The following ZBTB46 variants were observed in gnomAD, a reference collection of about 807,000 sequenced individuals.
ZBTB46 encodes the protein zinc finger and BTB domain-containing protein 46.
ZBTB46 carries 8 observed loss-of-function variants against 44.1 expected under a neutral mutation model. The observed-to-expected ratio is 0.18, with a 90% CI of 0.11 to 0.33. ZBTB46 has a LOEUF of 0.33. ZBTB46 is among the 10% of genes least tolerant of loss of function. The pLI, the probability that ZBTB46 is intolerant of heterozygous loss-of-function variation, is 1.00. For missense variants in ZBTB46, 651 were observed against 847.7 expected (o/e 0.77, Z 2.88); for synonymous variants, 409 against 382.3 (o/e 1.07, Z -0.81).
chr20:63,822,327 A>G (rs1449979534), intron 1 of ZBTB46, among the ~76,000 whole-genome samples: 2 of 152,148 alleles, frequency 1.3e-5, no homozygotes, highest in African/African-American at 4.8e-5. Flanking sequence ...CAGCACACCC[A>G]TGGGGGAGAC....
At chr20:63,812,603 C>T (rs1157968694) in intron 1 of ZBTB46, among the ~76,000 whole-genome samples, 2 of 152,046 alleles carry the variant, frequency 1.3e-5, no homozygotes, top group African/African-American at 2.4e-5. Flanking sequence ...GTGGAAACCC[C>T]GTCCCTAGTA....
chr20:63,745,520 C>T lies in ZBTB46; in HGVS notation c.*1410G>A, dbSNP rs1242300207. 2.0e-5 allele frequency: 3 copies of T among 152,380 alleles called. No homozygotes were observed. In the Middle Eastern group the frequency reaches 0.01, roughly 518 times the overall value. 9.4% of individuals were successfully genotyped at this position (152,380 alleles called of 1,614,324 possible). A position where few individuals can be genotyped will look rare whatever the true frequency, so the allele number is the denominator to read the frequency against. ...TAGAAAAAGAGAGTAAAAACTCTTTCCACGCAGCCCTGAAGCTCAGCACTC... is the reference window on the plus strand; with the variant it reads ...TAGAAAAAGAGAGTAAAAACTCTTTTCACGCAGCCCTGAAGCTCAGCACTC... On this transcript the variant is annotated 3_prime_UTR_variant, in exon 5 of 5. Coordinates refer to ENST00000245663, the MANE Select transcript of ZBTB46 (RefSeq NM_001369741.1).
intron 1 of ZBTB46, among the ~76,000 whole-genome samples, chr20:63,804,336 T>G (rs527681170): frequency 6.6e-6 from 1 of 152,160 alleles, no homozygotes; most frequent in Non-Finnish European, 1.5e-5. Context: ...GCTCCTAGTC[T>G]GTCATTTGGG....
intron 1 of ZBTB46, among the ~76,000 whole-genome samples, chr20:63,828,478 A>T (rs1401588812): frequency 1.3e-5 from 2 of 152,166 alleles, no homozygotes; most frequent in Non-Finnish European, 2.9e-5. Context: ...CCCCCAGGGG[A>T]GGGGACAGAT....
rs913158044 is a variant in ZBTB46, at chr20:63,809,782, T to C, written c.-33-18992A>G. Among the ~76,000 whole-genome samples the C allele has an allele frequency of 2.6e-5, 4 of 152,054 alleles. No homozygotes were observed. The East Asian group carries it at 5.8e-4, about 22-fold the overall frequency. On this transcript the variant is annotated intron_variant, in intron 1 of 4. Transcript: ENST00000245663. Reference sequence around the variant, plus strand: ...TTCAAGACCAGCCTGGGCAACATGGTGAGACCCCATCTCTACAAAAAATAG... The same window carrying C: ...TTCAAGACCAGCCTGGGCAACATGGCGAGACCCCATCTCTACAAAAAATAG...
At chr20:63,789,659 G>A (rs6062317) in intron 2 of ZBTB46, among the ~76,000 whole-genome samples, 162 bp downstream of exon 2, 36,718 of 152,184 alleles carry the variant, frequency 0.24, 4,508 homozygotes, top group Middle Eastern at 0.36. Context: ...GAGATGCATT[G>A]GCTGCATTCC....
intron 1 of ZBTB46, among the ~76,000 whole-genome samples, chr20:63,823,858 T>TTCTGTGTG (rs144086739): frequency 4.1e-5 from 6 of 144,816 alleles, no homozygotes; most frequent in African/African-American, 1.6e-4. Context: ...TCTAGGAACC[T>TTCTGTGTG]TGTGTGTGTG....
rs76352165 is a variant in ZBTB46 at position 63,749,907 on chromosome 20, G to A, written c.1399-2606C>T. 7.7e-3 allele frequency among the ~76,000 whole-genome samples: 1,176 copies of A among 152,354 alleles called. 14 individuals are homozygous for A. The highest frequency in any genetic ancestry group is 0.027 in the African/African-American group (1,135 of 41,582). ...ACTCATGCAAATGGGCAAATGCCCTGGAAGGAAGCAAGAAGGAAGACGGGA... is the reference window on the plus strand; with the variant it reads ...ACTCATGCAAATGGGCAAATGCCCTAGAAGGAAGCAAGAAGGAAGACGGGA... On this transcript the variant is annotated intron_variant, in intron 4 of 4. Transcript: ENST00000245663.
intron 1 of ZBTB46, among the ~76,000 whole-genome samples, chr20:63,816,903 G>A (rs1443461171): frequency 6.6e-6 from 1 of 152,032 alleles, no homozygotes; most frequent in Admixed American, 6.6e-5. Flanking sequence ...TCAGGAGTTC[G>A]AGACCAGCCT....
chr20:63,817,781 T>G (rs886993020), intron 1 of ZBTB46, among the ~76,000 whole-genome samples: 10 of 150,760 alleles, frequency 6.6e-5, no homozygotes, highest in African/African-American at 2.4e-4. Flanking sequence ...CAGGGGAGAC[T>G]GTGTGAAGAC....
At chr20:63,755,978 T>C (rs1398768437) in intron 3 of ZBTB46, among the ~76,000 whole-genome samples, 2 of 152,240 alleles carry the variant, frequency 1.3e-5, no homozygotes, top group Non-Finnish European at 2.9e-5. Context: ...CTATCAGAGC[T>C]GGCGTGGACC....
rs2092522146 is a variant in ZBTB46, at chr20:63,787,063, C to T, written c.937+2758G>A. 6.6e-6 allele frequency among the ~76,000 whole-genome samples: 1 copy of T among 152,154 alleles called. No individual in the cohort carries two copies. The highest frequency in any genetic ancestry group is 6.6e-5 in the Admixed American group (1 of 15,256). ...TTGTGTCAAAGTAGAACAGCATTTACCCGCAGGTGGGGTAGAGGCAAGAGG... is the reference window on the plus strand; with the variant it reads ...TTGTGTCAAAGTAGAACAGCATTTATCCGCAGGTGGGGTAGAGGCAAGAGG... On this transcript the variant is annotated intron_variant, in intron 2 of 4. Coordinates refer to ENST00000245663, the MANE Select transcript of ZBTB46 (RefSeq NM_001369741.1). The surrounding 1 kb of genome is among the most constrained non-coding windows in gnomAD (Gnocchi z 4.6).
intron 2 of ZBTB46, among the ~76,000 whole-genome samples, chr20:63,777,101 G>GCACACGCCACGGTTCCAC (rs1333029593): frequency 2.2e-5 from 1 of 44,936 alleles, no homozygotes; most frequent in African/African-American, 7.3e-5. Context: ...CACGGTTCCA[G>GCACACGCCACGGTTCCAC]CACACGCCAC....
chr20:63,750,130 G>A (rs757943959), intron 4 of ZBTB46, among the ~76,000 whole-genome samples: 2 of 152,236 alleles, frequency 1.3e-5, no homozygotes, highest in Non-Finnish European at 2.9e-5. Context: ...GTGGAGGCTG[G>A]ACCGGCTAGA....
rs148815384 is a variant in ZBTB46, at chr20:63,829,148, C to T, written c.-34+1949G>A. 2.6e-5 allele frequency among the ~76,000 whole-genome samples: 4 copies of T among 152,182 alleles called. No homozygotes were observed. In the East Asian group the frequency reaches 7.7e-4, roughly 29 times the overall value. On this transcript the variant is annotated intron_variant, in intron 1 of 4. Coordinates refer to ENST00000245663, the MANE Select transcript of ZBTB46 (RefSeq NM_001369741.1). ...TCCTGACCTCTGTGACCACCAGGGG[C>T]TGGGGAGGGACGGAGGACGCAGGGC... is the stretch of plus-strand genomic sequence containing the variant.
rs146845071 is a variant in ZBTB46, at chr20:63,800,658, G to A, written c.-33-9868C>T. The stretch of plus-strand genomic sequence containing the variant: ...GGCTTGGCGGCCCCACACTCGGAGC[G>A]GCCCAGGGCAATGAGGGGCTTAGCA... On this transcript the variant is annotated intron_variant, in intron 1 of 4. Transcript: ENST00000245663. Among the ~76,000 whole-genome samples the A allele has an allele frequency of 4.7e-4, 71 of 152,346 alleles. No individual in the cohort carries two copies. In the East Asian group the frequency reaches 0.01, roughly 22 times the overall value.
rs1303981050 is a variant in ZBTB46 at position 63,767,972 on chromosome 20, G to C, written c.1222+7706C>G. On this transcript the variant is annotated intron_variant, in intron 3 of 4. Transcript: ENST00000245663. This position sits in a 1 kb window ranked among gnomAD's most constrained non-coding sequence, Gnocchi z 5.0. ...CTCCGCCCAGCTCTCCACGCCATGA[G>C]AGGTGTCGATCTGGAACCAGAGACA... 6 of 985,472 alleles carry C rather than the reference G, an allele frequency of 6.1e-6. No individual in the cohort carries two copies. Among genetic ancestry groups the C allele is most frequent in the Middle Eastern group, 5.2e-4 (1 of 1,914 alleles). The allele number at this position is 985,472 out of a possible 1,614,324, so 61.0% of individuals were successfully genotyped here.
chr20:63,771,713 C>T (rs1161371393), intron 3 of ZBTB46, among the ~76,000 whole-genome samples: 1 of 152,210 alleles, frequency 6.6e-6, no homozygotes, highest in African/African-American at 2.4e-5. Context: ...GCGGATTCCA[C>T]GGGACCACCT....
chr20:63,775,591 A>T, intron 3 of ZBTB46, 87 bp downstream of exon 3: 2 of 1,464,612 alleles, frequency 1.4e-6, no homozygotes, highest in Non-Finnish European at 1.8e-6. Flanking sequence ...ACAGACCCTC[A>T]GCCTCATCTC....
Sources: allele counts gnomAD v4.1 joint callset (sites outside exome capture counted in the v4.1 genomes callset), GRCh38; gene constraint gnomAD v4.1.1; non-coding constraint Gnocchi (gnomAD v3.1); transcripts MANE v1.5; gene names NCBI Gene and HGNC (gene_info 2026-07-23, HGNC 2026-07-21).